The following XYLT1 variants were observed in gnomAD, a reference collection of about 807,000 sequenced individuals.
The protein encoded by XYLT1 is xylosyltransferase 1, also known as beta-D-xylosyltransferase 1.
XYLT1 carries 36 observed loss-of-function variants against 91.3 expected under a neutral mutation model. The observed-to-expected ratio is 0.39, with a 90% CI of 0.30 to 0.52. The LOEUF (loss-of-function observed/expected upper bound fraction) is 0.52. Ranked by LOEUF, XYLT1 falls within the 20% of genes least tolerant of loss-of-function variation. The pLI is 0.68. For missense variants in XYLT1, 1,242 were observed against 1,284.5 expected (o/e 0.97, Z 0.51); for synonymous variants, 588 against 532.0 (o/e 1.11, Z -1.45).
At chr16:17,136,992 T>C (rs548529317) in intron 8 of XYLT1, among the ~76,000 whole-genome samples, 10 of 152,216 alleles carry the variant, frequency 6.6e-5, no homozygotes, top group East Asian at 1.9e-4. Context: ...TGGGAATTCA[T>C]TGAATAGGTC....
intron 5 of XYLT1, among the ~76,000 whole-genome samples, chr16:17,164,361 G>T (rs544208389): frequency 6.6e-6 from 1 of 151,888 alleles, no homozygotes; most frequent in Admixed American, 6.6e-5. Flanking sequence ...ACGAGGTTGG[G>T]TGTGTTCAGG....
chr16:17,223,846 G>C (rs1298893336), intron 3 of XYLT1, among the ~76,000 whole-genome samples: 2 of 152,248 alleles, frequency 1.3e-5, no homozygotes, highest in African/African-American at 4.8e-5. Flanking sequence ...TGGTTGAAGA[G>C]AAGCTCTATC....
At chr16:17,388,533 T>C (rs1190024424) in intron 1 of XYLT1, among the ~76,000 whole-genome samples, 9 of 152,118 alleles carry the variant, frequency 5.9e-5, no homozygotes, top group Non-Finnish European at 1.2e-4. Context: ...AACTTCTTCC[T>C]CTGCAAAATG....
chr16:17,289,483 CGTAAGT>C (rs2034190892), intron 2 of XYLT1, among the ~76,000 whole-genome samples: 2 of 152,180 alleles, frequency 1.3e-5, no homozygotes, highest in African/African-American at 4.8e-5. Context: ...GTTTCCCCAG[CGTAAGT>C]GTGTCTCAAC....
intron 2 of XYLT1, among the ~76,000 whole-genome samples, chr16:17,350,754 C>T (rs1037936059): frequency 2.0e-5 from 3 of 152,100 alleles, no homozygotes; most frequent in African/African-American, 4.8e-5. Context: ...AGAAGCTTCC[C>T]GATTACTCCA....
intron 3 of XYLT1, among the ~76,000 whole-genome samples, chr16:17,206,654 T>C (rs28454995): frequency 0.57 from 86,217 of 152,052 alleles, 26,791 homozygotes; most frequent in African/African-American, 0.82. Context: ...AAGGACTGCT[T>C]GAGTCCAGGA....
chr16:17,226,038 AG>A (rs113336493), intron 3 of XYLT1, among the ~76,000 whole-genome samples: 12,642 of 152,170 alleles, frequency 0.083, 1,768 homozygotes, highest in African/African-American at 0.29. Flanking sequence ...GTGGGTTTGA[AG>A]GGGACCCCTC....
intron 6 of XYLT1, among the ~76,000 whole-genome samples, chr16:17,155,729 C>A (rs528454793): frequency 6.6e-6 from 1 of 152,144 alleles, no homozygotes; most frequent in Admixed American, 6.5e-5. Context: ...GGGACTCACA[C>A]GCAAGAGTTG....
chr16:17,428,674 A>G (rs551699261), intron 1 of XYLT1, among the ~76,000 whole-genome samples: 2 of 152,264 alleles, frequency 1.3e-5, no homozygotes, highest in Admixed American at 6.5e-5. Flanking sequence ...CCACTCACCA[A>G]CTGACATCCC....
At position 17,104,041 on chromosome 16, in the gene XYLT1, TA is replaced by T. The variant is rs1966742719; in HGVS notation, c.*4653del. ...GACAACTTTGTTCCCCCCTCCCAGG[TA>T]AACTTCTCAGCAGACACAATGAGGT... is the stretch of plus-strand genomic sequence containing the variant. On this transcript the variant is annotated 3_prime_UTR_variant, in exon 12 of 12. Coordinates refer to ENST00000261381, the MANE Select transcript of XYLT1 (RefSeq NM_022166.4). The T allele has an allele frequency of 2.0e-5, 3 of 152,642 alleles. No individual in the cohort carries two copies. Among genetic ancestry groups the T allele is most frequent in the African/African-American group, 7.2e-5 (3 of 41,394 alleles). The allele number at this position is 152,642 out of a possible 1,614,324, so 9.5% of individuals were successfully genotyped here.
chr16:17,304,344 A>G (rs1240263433), intron 2 of XYLT1, among the ~76,000 whole-genome samples: 1 of 152,162 alleles, frequency 6.6e-6, no homozygotes, highest in Non-Finnish European at 1.5e-5. Flanking sequence ...AAAGATGACT[A>G]TCTCTGTCAG....
chr16:17,284,437 T>C (rs565487668), intron 2 of XYLT1, among the ~76,000 whole-genome samples: 1 of 152,274 alleles, frequency 6.6e-6, no homozygotes, highest in East Asian at 1.9e-4. Context: ...AGTTGTCCAA[T>C]ATGATATGAC....
At chr16:17,395,696 A>C (rs1024591702) in intron 1 of XYLT1, among the ~76,000 whole-genome samples, 103 of 152,230 alleles carry the variant, frequency 6.8e-4, no homozygotes, top group African/African-American at 2.5e-3. Context: ...AAAGCAGATC[A>C]ATTACCAGGA....
At chr16:17,225,177 A>ACACACACACTCTCT (rs150256998) in intron 3 of XYLT1, among the ~76,000 whole-genome samples, 4 of 147,462 alleles carry the variant, frequency 2.7e-5, no homozygotes, top group African/African-American at 1.0e-4. Context: ...ACACACACAC[A>ACACACACACTCTCT]CTCTCTCTCT....
chr16:17,311,410 G>C (rs1301334891), intron 2 of XYLT1, among the ~76,000 whole-genome samples: 1 of 152,170 alleles, frequency 6.6e-6, no homozygotes, highest in Non-Finnish European at 1.5e-5. Context: ...CAGATTGCTA[G>C]AGCCCTGCCT....
chr16:17,188,879 C>CA (rs1179442612), intron 5 of XYLT1, among the ~76,000 whole-genome samples: 1 of 152,192 alleles, frequency 6.6e-6, no homozygotes, highest in Non-Finnish European at 1.5e-5. Context: ...TGCAACTTCA[C>CA]ACAGCTAGTA....
At chr16:17,191,665 G>C (rs897665352) in intron 5 of XYLT1, among the ~76,000 whole-genome samples, 19 of 152,216 alleles carry the variant, frequency 1.2e-4, no homozygotes, top group African/African-American at 4.3e-4. Flanking sequence ...TGGTCTTCGG[G>C]AGACTGTAGA....
intron 2 of XYLT1, among the ~76,000 whole-genome samples, chr16:17,269,593 T>A (rs1408626632): frequency 6.6e-6 from 1 of 152,202 alleles, no homozygotes; most frequent in Non-Finnish European, 1.5e-5. Context: ...TACTGTTTGT[T>A]CCAGCTAACA....
At chr16:17,255,859 T>C (rs2033622523) in intron 3 of XYLT1, among the ~76,000 whole-genome samples, 1 of 151,742 alleles carries the variant, frequency 6.6e-6, no homozygotes, top group African/African-American at 2.4e-5. Flanking sequence ...AATACAAAAA[T>C]TATCCAGGAG....
Sources: allele counts gnomAD v4.1 joint callset (sites outside exome capture counted in the v4.1 genomes callset), GRCh38; gene constraint gnomAD v4.1.1; transcripts MANE v1.5; gene names NCBI Gene and HGNC (gene_info 2026-07-23, HGNC 2026-07-21).